Variants in GALNT3 observed in about 807,000 individuals in gnomAD.
GALNT3 encodes GalNAc transferase 3.
Under a neutral mutation model 69.8 loss-of-function variants are expected in GALNT3, and 51 were observed. The observed-to-expected ratio is 0.73, with a 90% CI of 0.58 to 0.92. The LOEUF is 0.92. Ranked by LOEUF, GALNT3 falls within the 40% of genes least tolerant of loss-of-function variation. The pLI is 0.00. For missense variants in GALNT3, 711 were observed against 760.0 expected, an observed-to-expected ratio of 0.94 and a Z score of 0.76; for synonymous variants, 265 against 248.5, an observed-to-expected ratio of 1.07 and a Z score of -0.63.
rs1002770865 is a variant in GALNT3 at position 165,748,073 on chromosome 2, A to G, written c.*708T>C. On this transcript the variant is annotated 3_prime_UTR_variant, in exon 11 of 11. Coordinates refer to ENST00000392701, the MANE Select transcript of GALNT3 (RefSeq NM_004482.4). ...ATAGTAATTTATAAAAATTTTTTTAAAAGTGCTTTGGGAAAACACACAGTA... is the reference window on the plus strand; with the variant it reads ...ATAGTAATTTATAAAAATTTTTTTAGAAGTGCTTTGGGAAAACACACAGTA... 5.5e-6 allele frequency: 1 copy of G among 181,980 alleles called. No homozygotes were observed. The highest frequency in any genetic ancestry group is 8.9e-5 in the East Asian group (1 of 11,206). 11.3% of individuals were successfully genotyped at this position (181,980 alleles called of 1,614,324 possible). A position where few individuals can be genotyped will look rare whatever the true frequency, so the allele number is the denominator to read the frequency against.
intron 1 of GALNT3, among the ~76,000 whole-genome samples, chr2:165,785,675 G>C (rs1683204610): frequency 6.6e-6 from 1 of 152,116 alleles, no homozygotes; most frequent in Non-Finnish European, 1.5e-5. Flanking sequence ...TCCAAATGAG[G>C]GGGTGAATAA....
intron 1 of GALNT3, among the ~76,000 whole-genome samples, chr2:165,773,261 C>T (rs1688785920): frequency 6.6e-6 from 1 of 152,146 alleles, no homozygotes; most frequent in Admixed American, 6.5e-5. Context: ...ATGGATAAGT[C>T]TCACGAGACC....
rs762115920 is a variant in GALNT3, at chr2:165,770,598, C to A, written c.103G>T (p.Val35Phe). 18 of 1,607,392 alleles carry A rather than the reference C, an allele frequency of 1.1e-5. No homozygotes were observed. Among genetic ancestry groups the A allele is most frequent in the Non-Finnish European group, 1.5e-5 (18 of 1,177,010 alleles). The change falls in exon 2 of 11, where the codon GTT (valine) becomes TTT (phenylalanine). Residue 35 changes from valine to phenylalanine, a missense_variant. Val to Phe is a conservative substitution (Grantham distance 50). Coordinates refer to ENST00000392701, the MANE Select transcript of GALNT3 (RefSeq NM_004482.4). ...AVIFFFIIVL[V>F]LMQREVSVQY... ...ACACTTACTTCTCTTTGCATTAAAA[C>A]CAAAACTATTATAAAGAAAAAAATT...
chr2:165,767,869 C>CTTTTTTTTTTT (rs34044047), intron 2 of GALNT3, among the ~76,000 whole-genome samples: 3 of 82,464 alleles, frequency 3.6e-5, no homozygotes, highest in African/African-American at 5.1e-5. Flanking sequence ...AAAAACAAAT[C>CTTTTTTTTTTT]TTTTTTTTTT....
chr2:165,789,801 T>C (rs772997520), intron 1 of GALNT3, among the ~76,000 whole-genome samples: 1 of 152,176 alleles, frequency 6.6e-6, no homozygotes, highest in Non-Finnish European at 1.5e-5. Context: ...CTGGGCAGTA[T>C]TATGTAATCA....
At chr2:165,783,050 C>T (rs1683145675) in intron 1 of GALNT3, among the ~76,000 whole-genome samples, 1 of 152,126 alleles carries the variant, frequency 6.6e-6, no homozygotes, top group African/African-American at 2.4e-5. Flanking sequence ...CCCAGCTTTT[C>T]ATTGTGGGAG....
chr2:165,754,744 C>A lies in GALNT3; in HGVS notation c.1525-16G>T. 2.5e-6 allele frequency: 4 copies of A among 1,592,326 alleles called. No individual in the cohort carries two copies. The highest frequency in any genetic ancestry group is 3.4e-6 in the Non-Finnish European group (4 of 1,163,706). ...CGCTTTTAATCTAAAGGAAAATTTTCAAGTTATGAAAAGTTTTTTAATCCA... is the reference window on the plus strand; with the variant it reads ...CGCTTTTAATCTAAAGGAAAATTTTAAAGTTATGAAAAGTTTTTTAATCCA... On this transcript the variant is annotated splice_polypyrimidine_tract_variant and intron_variant, in intron 8 of 10. Coordinates refer to ENST00000392701, the MANE Select transcript of GALNT3 (RefSeq NM_004482.4).
chr2:165,794,620 C>T (rs192467172), upstream of GALNT3: 16 of 152,396 alleles, frequency 1.0e-4, no homozygotes, highest in African/African-American at 3.4e-4. Flanking sequence ...GCGCTGCCTC[C>T]GAGGACCACT....
Position 165,778,762 on chromosome 2 carries a change from G to C in GALNT3, c.-108-7954C>G, listed in dbSNP as rs75963142. Among the ~76,000 whole-genome samples the C allele has an allele frequency of 5.9e-3, 906 of 152,304 alleles. 7 individuals carry two copies. Among genetic ancestry groups the C allele is most frequent in the African/African-American group, 0.021 (876 of 41,568 alleles). On this transcript the variant is annotated intron_variant, in intron 1 of 10. Coordinates refer to ENST00000392701, the MANE Select transcript of GALNT3 (RefSeq NM_004482.4). ...GGGGACAGAACCCTAGAACTAGCTA[G>C]GTGCTGAGGAAAACTGCTGGCTGCT... is the stretch of plus-strand genomic sequence containing the variant.
chr2:165,778,935 GT>G (rs66516753), intron 1 of GALNT3, among the ~76,000 whole-genome samples: 150,320 of 152,176 alleles, frequency 0.99, 74,259 homozygotes, highest in East Asian at 1. Context: ...GGGGCCCCGA[GT>G]TTGGCATGTG....
At chr2:165,749,513 C>T (rs1320409664) in intron 10 of GALNT3, among the ~76,000 whole-genome samples, 1 of 152,156 alleles carries the variant, frequency 6.6e-6, no homozygotes, top group Non-Finnish European at 1.5e-5. Context: ...AAGTGCTCAT[C>T]TGCATATATC....
intron 2 of GALNT3, among the ~76,000 whole-genome samples, chr2:165,766,634 T>C (rs759423031): frequency 1.6e-4 from 10 of 60,920 alleles, no homozygotes; most frequent in Non-Finnish European, 2.2e-4. Context: ...AGCAACTATA[T>C]CTTTAAGGTC....
At chr2:165,764,788 C>CT in intron 3 of GALNT3, 96 bp downstream of exon 3, 1 of 1,231,712 alleles carries the variant, frequency 8.1e-7, no homozygotes, top group South Asian at 1.2e-5. Context: ...TATTCAAGCT[C>CT]TGAGATGGCA....
At position 165,748,471 on chromosome 2, in the gene GALNT3, A is replaced by C. The variant is rs777467692; in HGVS notation, c.*310T>G. ...AGTGTGTGAATGTAGCTATATATAT[A>C]TATCCCTAAGTGTACAAAACACACA... is the stretch of plus-strand genomic sequence containing the variant. On this transcript the variant is annotated 3_prime_UTR_variant, in exon 11 of 11. Transcript: ENST00000392701. 21 of 394,072 alleles carry C rather than the reference A, an allele frequency of 5.3e-5. No homozygotes were observed. Among genetic ancestry groups the C allele is most frequent in the Non-Finnish European group, 8.9e-5 (19 of 213,100 alleles). The allele number at this position is 394,072 out of a possible 1,614,324, so 24.4% of individuals were successfully genotyped here.
At chr2:165,778,890 G>A (rs80187456) in intron 1 of GALNT3, among the ~76,000 whole-genome samples, 426 of 150,886 alleles carry the variant, frequency 2.8e-3, no homozygotes, top group African/African-American at 0.01. Flanking sequence ...TGGGACAAAG[G>A]TTGGGCAGCT....
intron 2 of GALNT3, among the ~76,000 whole-genome samples, chr2:165,765,649 C>A (rs1046900584): frequency 6.6e-6 from 1 of 151,976 alleles, no homozygotes; most frequent in African/African-American, 2.4e-5. Context: ...CCACCACACC[C>A]GGCTAATTTT....
At chr2:165,789,287 G>C (rs917185354) in intron 1 of GALNT3, among the ~76,000 whole-genome samples, 18 of 152,166 alleles carry the variant, frequency 1.2e-4, no homozygotes, top group Non-Finnish European at 2.4e-4. Flanking sequence ...TCACATGGAG[G>C]AAGGGCAAAA....
chr2:165,785,975 AT>A (rs1357160435), intron 1 of GALNT3, among the ~76,000 whole-genome samples: 1 of 152,226 alleles, frequency 6.6e-6, no homozygotes, highest in Non-Finnish European at 1.5e-5. Flanking sequence ...TTAAAAAAAA[AT>A]TCTACAAGTA....
intron 1 of GALNT3, among the ~76,000 whole-genome samples, chr2:165,781,238 T>G (rs980280760): frequency 2.0e-5 from 3 of 152,076 alleles, no homozygotes; most frequent in African/African-American, 7.2e-5. Context: ...ACTGGCAGCC[T>G]TATGAGTTAC....
Sources: allele counts gnomAD v4.1 joint callset (sites outside exome capture counted in the v4.1 genomes callset), GRCh38; gene constraint gnomAD v4.1.1; transcripts MANE v1.5; gene names NCBI Gene and HGNC (gene_info 2026-07-23, HGNC 2026-07-21).